Variants in SFMBT1 observed in about 807,000 individuals in gnomAD.
The protein encoded by SFMBT1 is Scm like with four mbt domains 1, also known as scm-like with four MBT domains protein 1.
A neutral mutation model predicts 108.7 loss-of-function variants in SFMBT1; 32 were observed. The ratio of observed to expected loss-of-function variants is 0.29; its 90% CI spans 0.22 to 0.40. The LOEUF (loss-of-function observed/expected upper bound fraction) is 0.40, where lower values mean the gene tolerates loss of function less well. Among genes scored for constraint, SFMBT1 ranks in the 10% least tolerant of loss-of-function variants. The pLI is 1.00. For synonymous variants in SFMBT1, 348 were observed against 369.5 expected (o/e 0.94, Z 0.67); for missense variants, 816 against 1,059.6 (o/e 0.77, Z 3.19).
intron 2 of SFMBT1, among the ~76,000 whole-genome samples, chr3:52,956,622 G>A (rs559243172): frequency 2.6e-5 from 4 of 152,146 alleles, no homozygotes; most frequent in African/African-American, 4.8e-5. Flanking sequence ...TTAGCCGGGT[G>A]TGGTGGCGTG....
At chr3:53,004,563 C>G (rs1329550270) in intron 1 of SFMBT1, among the ~76,000 whole-genome samples, 1 of 149,974 alleles carries the variant, frequency 6.7e-6, no homozygotes, top group Non-Finnish European at 1.5e-5. Flanking sequence ...TGAGCCACCA[C>G]GCCTGGCCAT....
intron 1 of SFMBT1, among the ~76,000 whole-genome samples, chr3:53,004,120 A>G (rs183292436): frequency 1.1e-4 from 17 of 149,966 alleles, no homozygotes; most frequent in Admixed American, 6.8e-5. Flanking sequence ...AAACAAATTC[A>G]TATTTCCTCG....
In SFMBT1 at chr3:52,916,184, G is replaced by A; in HGVS notation, c.1446C>T (p.Gly482=). The A allele has an allele frequency of 6.2e-7, 1 of 1,613,930 alleles. No individual in the cohort carries two copies. Among genetic ancestry groups the A allele is most frequent in the Non-Finnish European group, 8.5e-7 (1 of 1,179,950 alleles). The change falls in exon 14 of 21, where the codon GGC becomes GGT. Residue 482 remains glycine (G), a synonymous_variant. Transcript: ENST00000394752. The part of the protein sequence containing the change: ...QVPSSRTVHE[G]LRNQELNSTE... ...TGGAGTTCAGCTCCTGATTCCTCAG[G>A]CCCTCGTGGACAGTCCTCGAGGATG...
At chr3:52,976,569 A>G (rs1310307804) in intron 1 of SFMBT1, among the ~76,000 whole-genome samples, 2 of 152,228 alleles carry the variant, frequency 1.3e-5, no homozygotes, top group Admixed American at 6.5e-5. Flanking sequence ...GCCTTGGAAT[A>G]GCATAGATTT....
chr3:53,044,035 C>T (rs1338408851), intron 1 of SFMBT1, among the ~76,000 whole-genome samples: 1 of 152,132 alleles, frequency 6.6e-6, no homozygotes, highest in African/African-American at 2.4e-5. Context: ...AGGGCATATA[C>T]ATATATAAAA....
chr3:52,917,452 C>T (rs1364405380), intron 13 of SFMBT1, among the ~76,000 whole-genome samples: 2 of 152,104 alleles, frequency 1.3e-5, no homozygotes, highest in African/African-American at 4.8e-5. Context: ...CAGAAGACAG[C>T]CATCTGCTAG....
intron 4 of SFMBT1, among the ~76,000 whole-genome samples, chr3:52,942,475 T>C (rs970691956): frequency 2.0e-5 from 3 of 152,222 alleles, no homozygotes; most frequent in African/African-American, 7.2e-5. Context: ...TCTGAAATTA[T>C]ATCAAAGTAA....
chr3:53,043,705 G>GC (rs1186031487), intron 1 of SFMBT1, among the ~76,000 whole-genome samples: 1 of 152,176 alleles, frequency 6.6e-6, no homozygotes, highest in Non-Finnish European at 1.5e-5. Context: ...GCAAAGTATT[G>GC]CCCCCACTGA....
intron 1 of SFMBT1, among the ~76,000 whole-genome samples, chr3:53,029,876 C>T (rs905938858): frequency 7.9e-5 from 12 of 152,102 alleles, no homozygotes; most frequent in East Asian, 1.9e-4. Flanking sequence ...CCACTGCACC[C>T]AGTTCCTCTA....
chr3:52,936,778 A>G (rs1443796279), intron 4 of SFMBT1, among the ~76,000 whole-genome samples: 1 of 152,160 alleles, frequency 6.6e-6, no homozygotes, highest in Non-Finnish European at 1.5e-5. Flanking sequence ...TCTTCTTCTT[A>G]CATCACAATA....
rs765353610 is a variant in SFMBT1, at chr3:53,004,254, TTCTC to T, written c.-130-35000_-130-34997del. 5.4e-4 allele frequency among the ~76,000 whole-genome samples: 38 copies of T among 69,764 alleles called. 2 individuals are homozygous for T. Among genetic ancestry groups the T allele is most frequent in the East Asian group, 4.6e-3 (6 of 1,300 alleles). The allele number at this position is 69,764 out of a possible 152,430, so 45.8% of individuals were successfully genotyped here. A position where few individuals can be genotyped will look rare whatever the true frequency, so the allele number is the denominator to read the frequency against. ...CCTTCCTCCTTCCCTTCTTTCTTCTTTCTCTCTCTCTCTCTCTCTCTCCTCCTCT... is the reference window on the plus strand; with the variant it reads ...CCTTCCTCCTTCCCTTCTTTCTTCTTTCTCTCTCTCTCTCTCTCCTCCTCT... On this transcript the variant is annotated intron_variant, in intron 1 of 20. Coordinates refer to ENST00000394752, the MANE Select transcript of SFMBT1 (RefSeq NM_016329.4).
At chr3:53,037,765 G>A (rs1416759876) in intron 1 of SFMBT1, among the ~76,000 whole-genome samples, 1 of 152,192 alleles carries the variant, frequency 6.6e-6, no homozygotes, top group African/African-American at 2.4e-5. Context: ...CTTGAGGCCA[G>A]AAGTTTTGAG....
intron 1 of SFMBT1, among the ~76,000 whole-genome samples, chr3:53,034,420 T>C (rs1056319442): frequency 1.3e-5 from 2 of 150,636 alleles, no homozygotes; most frequent in Admixed American, 6.6e-5. Context: ...CTACTAAAAA[T>C]ACAAAAATTA....
intron 2 of SFMBT1, among the ~76,000 whole-genome samples, chr3:52,961,579 T>C (rs1166831119): frequency 6.6e-6 from 1 of 152,146 alleles, no homozygotes; most frequent in East Asian, 1.9e-4. Context: ...AAGGTGAAAG[T>C]GGTAAATTTT....
In SFMBT1 at chr3:52,911,083, C is replaced by A. The variant is rs778076365; in HGVS notation, c.1826G>T (p.Cys609Phe). The change falls in exon 17 of 21, where the codon TGC becomes TTC. Residue 609 changes from cysteine (C) to phenylalanine (F), a missense_variant. By Grantham distance (205) the Cys-to-Phe change is radical. Transcript: ENST00000394752. ...FCRQTCIKLE[C>F]CPNLFGPRMV... ...CCGTGGACCGAAGAGGTTAGGACAG[C>A]ATTCCAGTTTGATACAGGTTTGCCG... is the stretch of plus-strand genomic sequence containing the variant. The A allele has an allele frequency of 6.2e-7, 1 of 1,614,188 alleles. No homozygotes were observed. Among genetic ancestry groups the A allele is most frequent in the South Asian group, 1.1e-5 (1 of 91,068 alleles).
chr3:53,009,249 C>G (rs946870294), intron 1 of SFMBT1, among the ~76,000 whole-genome samples: 2 of 151,894 alleles, frequency 1.3e-5, no homozygotes, highest in Non-Finnish European at 2.9e-5. Context: ...GAGTTCAAGA[C>G]CAGCCAGGCC....
chr3:53,000,719 T>C (rs1364809723), intron 1 of SFMBT1, among the ~76,000 whole-genome samples: 1 of 150,012 alleles, frequency 6.7e-6, no homozygotes, highest in Non-Finnish European at 1.5e-5. Flanking sequence ...ATCTCAAAAT[T>C]GGAAGAAATT....
intron 1 of SFMBT1, among the ~76,000 whole-genome samples, chr3:53,032,515 T>C (rs771663076): frequency 2.6e-4 from 40 of 152,220 alleles, no homozygotes; most frequent in Non-Finnish European, 4.0e-4. Context: ...TTTATTCTAA[T>C]TACGATGGAA....
At chr3:52,960,953 G>C (rs1703940404) in intron 2 of SFMBT1, among the ~76,000 whole-genome samples, 1 of 152,174 alleles carries the variant, frequency 6.6e-6, no homozygotes, top group Non-Finnish European at 1.5e-5. Flanking sequence ...CTGAGCAACA[G>C]AGGGAAATCT....
Sources: allele counts gnomAD v4.1 joint callset (sites outside exome capture counted in the v4.1 genomes callset), GRCh38; gene constraint gnomAD v4.1.1; transcripts MANE v1.5; gene names NCBI Gene and HGNC (gene_info 2026-07-23, HGNC 2026-07-21).